The following C7 variants were observed in gnomAD, a reference collection of about 807,000 sequenced individuals.
The protein encoded by C7 is complement component C7.
C7 carries 83 observed loss-of-function variants against 104.8 expected under a neutral mutation model. The ratio of observed to expected loss-of-function variants is 0.79; its 90% CI spans 0.66 to 0.95. The LOEUF (loss-of-function observed/expected upper bound fraction) is 0.95. Among genes scored for constraint, C7 ranks in the 40% least tolerant of loss-of-function variants. C7 has a pLI of 0.00. For missense variants in C7, 1,070 were observed against 1,011.2 expected (o/e 1.06, Z -0.79); for synonymous variants, 415 against 360.6 (o/e 1.15, Z -1.71).
intron 1 of C7, among the ~76,000 whole-genome samples, chr5:40,922,647 G>C (rs1173706906): frequency 4.8e-5 from 7 of 146,304 alleles, no homozygotes; most frequent in Non-Finnish European, 8.9e-5. Flanking sequence ...GTTGCAGTGA[G>C]CCAAGATCGC....
chr5:40,958,310 A>G (rs376932889), intron 11 of C7, 49 bp downstream of exon 11: 92 of 1,164,256 alleles, frequency 7.9e-5, no homozygotes, highest in Non-Finnish European at 8.7e-5. Flanking sequence ...TTGAAAGGGA[A>G]TTACCCTGTT....
chr5:40,974,281 T>G (rs1366711440), intron 15 of C7, among the ~76,000 whole-genome samples: 1 of 152,178 alleles, frequency 6.6e-6, no homozygotes, highest in Non-Finnish European at 1.5e-5. Flanking sequence ...AAGCACATAC[T>G]TTCGGTGGGC....
In C7 at chr5:40,983,556, T is replaced by A. The variant is rs1460708677; in HGVS notation, c.*1983T>A. ...AGAGGTGTTGTCTTGAAATACTGTA[T>A]TTTTTTCCTCCTTTTCTTTTCTGAA... On this transcript the variant is annotated 3_prime_UTR_variant, in exon 18 of 18. Transcript: ENST00000313164. Among the ~76,000 whole-genome samples the A allele has an allele frequency of 6.6e-6, 1 of 152,092 alleles. No individual in the cohort carries two copies.
chr5:40,983,047 A>G lies in C7; in HGVS notation c.*1474A>G, dbSNP rs1740984150. ...TGATCCAGATCTAGCTTTTTGTATC[A>G]AAGTGTGCCCTAAGGGAAGATGCAG... On this transcript the variant is annotated 3_prime_UTR_variant, in exon 18 of 18. Transcript: ENST00000313164. 1.3e-5 allele frequency: 2 copies of G among 152,380 alleles called. No homozygotes were observed. The highest frequency in any genetic ancestry group is 4.8e-5 in the African/African-American group (2 of 41,472). The allele number at this position is 152,380 out of a possible 1,614,324, so 9.4% of individuals were successfully genotyped here.
chr5:40,961,544 C>T (rs1740421282), intron 12 of C7, among the ~76,000 whole-genome samples: 1 of 151,950 alleles, frequency 6.6e-6, no homozygotes. Context: ...ACCACTGTGC[C>T]CAGCTAATTT....
At chr5:40,929,337 C>T (rs1273754257) in intron 2 of C7, among the ~76,000 whole-genome samples, 2 of 152,148 alleles carry the variant, frequency 1.3e-5, no homozygotes. Context: ...CCTAAGTCTC[C>T]ATGTTTGGGG....
At chr5:40,922,983 A>G (rs7706776) in intron 1 of C7, among the ~76,000 whole-genome samples, 34,488 of 152,054 alleles carry the variant, frequency 0.23, 4,100 homozygotes, top group East Asian at 0.32. Flanking sequence ...ATGGGATTAT[A>G]TCAAGCTAAA....
chr5:40,941,862 G>T (rs903986372), intron 6 of C7, among the ~76,000 whole-genome samples: 2 of 152,180 alleles, frequency 1.3e-5, no homozygotes, highest in African/African-American at 4.8e-5. Context: ...ATAGACATTT[G>T]GTGATTATTG....
chr5:40,922,505 GC>G (rs1401056640), intron 1 of C7, among the ~76,000 whole-genome samples: 1 of 151,088 alleles, frequency 6.6e-6, no homozygotes, highest in East Asian at 2.0e-4. Flanking sequence ...TTTGAGACCA[GC>G]CTGACCAACA....
chr5:40,945,135 G>T (rs1054150337), intron 6 of C7, 63 bp from the exon 7 acceptor site: 2 of 849,394 alleles, frequency 2.4e-6, no homozygotes, highest in Middle Eastern at 3.4e-4. Context: ...CATGAAGAAA[G>T]TATGCATGAT....
chr5:40,959,423 T>G lies in C7; in HGVS notation c.1490-26T>G, dbSNP rs757760669. The G allele has an allele frequency of 3.8e-6, 6 of 1,596,704 alleles. No homozygotes were observed. The Admixed American group carries it at 8.7e-5, about 23-fold the overall frequency. On this transcript the variant is annotated intron_variant, in intron 11 of 17. Transcript: ENST00000313164. ...TCCCAAGCCCTCTTTAAGAACTTAT[T>G]GATCAACCTCTTTCTCATCTTGTAG...
chr5:40,934,493 T>C (rs1352452849), intron 4 of C7, 27 bp downstream of exon 4: 2 of 1,609,110 alleles, frequency 1.2e-6, no homozygotes, highest in South Asian at 1.1e-5. Context: ...AGGCTCAGCA[T>C]GCAGATTGTA....
chr5:40,949,674 T>G (rs1450657), intron 8 of C7, among the ~76,000 whole-genome samples: 99,401 of 151,986 alleles, frequency 0.65, 32,538 homozygotes, highest in Middle Eastern at 0.72. Context: ...TGCACCTTTT[T>G]ATGTAGAAAT....
In C7 at chr5:40,982,691, A is replaced by G. The variant is rs927291101; in HGVS notation, c.*1118A>G. The G allele has an allele frequency of 2.0e-5, 3 of 152,372 alleles. No homozygotes were observed. The highest frequency in any genetic ancestry group is 2.9e-5 in the Non-Finnish European group (2 of 68,044). 9.4% of individuals were successfully genotyped at this position (152,372 alleles called of 1,614,324 possible). ...ATAGTTTTCCCTATTCTGTGGATAC[A>G]GTCCCAGAGTTTTCAGGGAGTACAC... On this transcript the variant is annotated 3_prime_UTR_variant, in exon 18 of 18. Transcript: ENST00000313164.
At chr5:40,981,279 C>A in intron 17 of C7, 113 bp from the exon 18 acceptor site, 1 of 1,016,926 alleles carries the variant, frequency 9.8e-7, no homozygotes, top group Non-Finnish European at 1.5e-6. Context: ...TTATGTCATT[C>A]CAGGCAGGAG....
intron 16 of C7, among the ~76,000 whole-genome samples, chr5:40,978,636 C>T (rs1461838536): frequency 1.3e-5 from 2 of 152,002 alleles, no homozygotes; most frequent in African/African-American, 4.8e-5. Context: ...GTAAATGTAG[C>T]TTTTGGTAGA....
At position 40,927,942 on chromosome 5, in the gene C7, T is replaced by C. The variant is rs556501152; in HGVS notation, c.7-638T>C. Among the ~76,000 whole-genome samples, 15 of 152,254 alleles carry C rather than the reference T, an allele frequency of 9.9e-5. 1 individual carries two copies. The South Asian group carries it at 3.1e-3, about 32-fold the overall frequency. On this transcript the variant is annotated intron_variant, in intron 1 of 17. Coordinates refer to ENST00000313164, the MANE Select transcript of C7 (RefSeq NM_000587.4). ...TCATATGATCTAGCAATCCTACTTT[T>C]GGGTATTTACAAAAGTAAATGTTCA...
intron 15 of C7, among the ~76,000 whole-genome samples, chr5:40,974,905 A>C (rs926273338): frequency 6.6e-6 from 1 of 152,096 alleles, no homozygotes; most frequent in Non-Finnish European, 1.5e-5. Flanking sequence ...ATTCTTTGCT[A>C]TGGGAGCCTC....
chr5:40,923,645 C>T (rs1478783948), intron 1 of C7, among the ~76,000 whole-genome samples: 2 of 151,870 alleles, frequency 1.3e-5, no homozygotes, highest in Non-Finnish European at 2.9e-5. Flanking sequence ...ACTCAGGAGG[C>T]TGAGGCAGGA....
Sources: allele counts gnomAD v4.1 joint callset (sites outside exome capture counted in the v4.1 genomes callset), GRCh38; gene constraint gnomAD v4.1.1; transcripts MANE v1.5; gene names NCBI Gene and HGNC (gene_info 2026-07-23, HGNC 2026-07-21).